PDE4D: variants seen among roughly 807,000 people sequenced by gnomAD.
PDE4D encodes phosphodiesterase 4D.
A neutral mutation model predicts 87.4 loss-of-function variants in PDE4D; 24 were observed. That is an observed-to-expected ratio of 0.27 (90% CI 0.20 to 0.39). The LOEUF is 0.39. Ranked by LOEUF, PDE4D falls within the 10% of genes least tolerant of loss-of-function variation. PDE4D has a pLI of 1.00. For missense variants in PDE4D, 714 were observed against 1,041.0 expected, an observed-to-expected ratio of 0.69 and a Z score of 4.32; for synonymous variants, 384 against 383.2, an observed-to-expected ratio of 1.00 and a Z score of -0.02.
At chr5:60,498,758 C>A (rs1749935918) in intron 1 of PDE4D, among the ~76,000 whole-genome samples, 1 of 152,128 alleles carries the variant, frequency 6.6e-6, no homozygotes, top group Admixed American at 6.5e-5. Context: ...CAAATTTAGC[C>A]AATTCCAGGC....
At chr5:59,304,519 G>A (rs559363536) in intron 1 of PDE4D, among the ~76,000 whole-genome samples, 18 of 152,138 alleles carry the variant, frequency 1.2e-4, no homozygotes, top group East Asian at 9.6e-4. Context: ...TCAGTATTAC[G>A]TTGGCTGTGG....
At chr5:59,190,372 T>C (rs1034832513) in intron 3 of PDE4D, among the ~76,000 whole-genome samples, 10 of 152,120 alleles carry the variant, frequency 6.6e-5, no homozygotes, top group Admixed American at 1.3e-4. Context: ...GCAAAAAGTT[T>C]TTGTTTTGTT....
intron 1 of PDE4D, among the ~76,000 whole-genome samples, chr5:60,220,749 C>G (rs1055955594): frequency 4.6e-5 from 7 of 152,044 alleles, no homozygotes; most frequent in Non-Finnish European, 8.8e-5. Flanking sequence ...AGCCATTTTT[C>G]TCAATTACAA....
intron 1 of PDE4D, among the ~76,000 whole-genome samples, chr5:59,382,835 A>G (rs2153603763): frequency 6.6e-6 from 1 of 152,334 alleles, no homozygotes; most frequent in African/African-American, 2.4e-5. Flanking sequence ...GTTGAGCCTC[A>G]GTATTTTCGC....
intron 2 of PDE4D, among the ~76,000 whole-genome samples, chr5:60,176,497 A>T (rs1041697829): frequency 6.6e-6 from 1 of 152,158 alleles, no homozygotes; most frequent in African/African-American, 2.4e-5. Context: ...AAAATAAAGA[A>T]CTTGAGATTA....
At chr5:60,273,987 T>A (rs995805395) in intron 1 of PDE4D, among the ~76,000 whole-genome samples, 7 of 152,136 alleles carry the variant, frequency 4.6e-5, no homozygotes, top group South Asian at 2.1e-4. Flanking sequence ...CAAGATGTGA[T>A]GCTCTCAAGA....
chr5:59,839,227 T>C (rs1486474897), intron 1 of PDE4D, among the ~76,000 whole-genome samples: 1 of 151,442 alleles, frequency 6.6e-6, no homozygotes, highest in African/African-American at 2.4e-5. Flanking sequence ...AGCTCTGATG[T>C]CTGAATGCCA....
chr5:60,095,838 G>C (rs941621111), intron 2 of PDE4D, among the ~76,000 whole-genome samples: 6 of 152,080 alleles, frequency 3.9e-5, no homozygotes, highest in Admixed American at 1.3e-4. Flanking sequence ...TTCTCTGATG[G>C]CCAGTGATGA....
chr5:60,398,275 A>T (rs558641277), intron 1 of PDE4D, among the ~76,000 whole-genome samples: 6 of 152,062 alleles, frequency 3.9e-5, no homozygotes, highest in Non-Finnish European at 2.9e-5. Flanking sequence ...CACACAACAC[A>T]TTGGCCAAAT....
intron 1 of PDE4D, among the ~76,000 whole-genome samples, chr5:60,357,116 G>C (rs1426807340): frequency 6.6e-6 from 1 of 151,894 alleles, no homozygotes; most frequent in East Asian, 1.9e-4. Flanking sequence ...AAAGGGCAAG[G>C]AGAGGGTACC....
intron 5 of PDE4D, among the ~76,000 whole-genome samples, chr5:59,125,957 G>C (rs551895929): frequency 6.6e-6 from 1 of 152,196 alleles, no homozygotes; most frequent in South Asian, 2.1e-4. Context: ...TCTGCTTATT[G>C]ATCCCCCAAA....
chr5:59,134,873 T>C (rs1307692763), intron 5 of PDE4D, among the ~76,000 whole-genome samples: 1 of 152,192 alleles, frequency 6.6e-6, no homozygotes, highest in Non-Finnish European at 1.5e-5. Flanking sequence ...AGGTTGTTAT[T>C]CAGGGTTCTT....
intron 1 of PDE4D, among the ~76,000 whole-genome samples, chr5:59,724,147 G>A (rs1756258590): frequency 6.6e-6 from 1 of 152,034 alleles, no homozygotes. Flanking sequence ...GAGGTTCACA[G>A]CTAATTAATC....
In PDE4D at chr5:60,108,248, T is replaced by A. The variant is rs7718562; in HGVS notation, c.42+77309A>T. On this transcript the variant is annotated intron_variant, in intron 2 of 16. Transcript: ENST00000502484. ...ACAGAGAGCCAAATCATGAGTGAAC[T>A]CCCATTCACAATTGCTTCAAAGAGA... 6.8e-3 allele frequency among the ~76,000 whole-genome samples: 1,029 copies of A among 151,448 alleles called. 11 individuals carry two copies. The highest frequency in any genetic ancestry group is 0.024 in the African/African-American group (988 of 41,202).
chr5:59,867,656 T>C lies in PDE4D; in HGVS notation c.455+25512A>G, dbSNP rs1747241177. Among the ~76,000 whole-genome samples the C allele has an allele frequency of 1.3e-5, 2 of 152,236 alleles. 1 individual carries two copies. Among genetic ancestry groups the C allele is most frequent in the South Asian group, 4.1e-4 (2 of 4,822 alleles). On this transcript the variant is annotated intron_variant, in intron 1 of 14. Coordinates refer to ENST00000340635, the MANE Select transcript of PDE4D (RefSeq NM_001104631.2). ...AGAATAGTCATCACTACACTGTAGG[T>C]AGTGACAAAGGATGGGAAACAATCC... is the stretch of plus-strand genomic sequence containing the variant.
chr5:59,441,559 T>C (rs1046488238), intron 1 of PDE4D, among the ~76,000 whole-genome samples: 1 of 152,220 alleles, frequency 6.6e-6, no homozygotes, highest in Admixed American at 6.5e-5. Flanking sequence ...TGATTGCTCC[T>C]TGTTGATTTC....
intron 1 of PDE4D, among the ~76,000 whole-genome samples, chr5:60,398,857 C>T (rs1320432184): frequency 6.6e-6 from 1 of 152,008 alleles, no homozygotes; most frequent in Non-Finnish European, 1.5e-5. Context: ...AGAAATGTGC[C>T]CCAAGTCACA....
intron 1 of PDE4D, among the ~76,000 whole-genome samples, chr5:59,757,608 C>T (rs966075488): frequency 1.3e-5 from 2 of 152,116 alleles, no homozygotes; most frequent in Non-Finnish European, 2.9e-5. Context: ...GTGAGTCAGG[C>T]CAGATCTTGT....
At chr5:60,354,095 A>C (rs1759418460) in intron 1 of PDE4D, among the ~76,000 whole-genome samples, 1 of 152,210 alleles carries the variant, frequency 6.6e-6, no homozygotes, top group Admixed American at 6.5e-5. Context: ...AAGTGACAGA[A>C]ATATGAAAAA....
Sources: gnomAD v4.1 joint callset for allele counts (sites outside exome capture counted in the v4.1 genomes callset) on GRCh38, gnomAD v4.1.1 for gene constraint, MANE v1.5 for transcripts, NCBI Gene and HGNC (gene_info 2026-07-23, HGNC 2026-07-21) for gene names.